Variants in LHFPL6 observed in about 807,000 individuals in gnomAD.
LHFPL6 encodes the protein LHFPL tetraspan subfamily member 6, also known as LHFPL tetraspan subfamily member 6 protein.
In LHFPL6, 9 loss-of-function variants were observed where a neutral mutation model predicts 20.6. The ratio of observed to expected loss-of-function variants is 0.44; its 90% CI spans 0.26 to 0.76. The LOEUF (loss-of-function observed/expected upper bound fraction) is 0.76. LHFPL6 is among the 30% of genes least tolerant of loss of function. The probability of loss-of-function intolerance (pLI) is 0.20; values close to 1 mark genes in which losing one functional copy is unlikely to be tolerated. For synonymous variants in LHFPL6, 105 were observed against 98.7 expected, an observed-to-expected ratio of 1.06 and a Z score of -0.38; for missense variants, 218 against 253.5, an observed-to-expected ratio of 0.86 and a Z score of 0.95.
chr13:39,552,204 C>A (rs1404854778), intron 2 of LHFPL6, among the ~76,000 whole-genome samples: 2 of 152,020 alleles, frequency 1.3e-5, no homozygotes, highest in Non-Finnish European at 2.9e-5. Context: ...ATAATCTAAC[C>A]CCAGTATCAA....
At chr13:39,378,224 A>G (rs1870344207) in intron 3 of LHFPL6, among the ~76,000 whole-genome samples, 1 of 152,218 alleles carries the variant, frequency 6.6e-6, no homozygotes, top group South Asian at 2.1e-4. Flanking sequence ...TGTATCTACA[A>G]TACTCATCAT....
At chr13:39,381,886 A>C (rs952869954) in intron 2 of LHFPL6, among the ~76,000 whole-genome samples, 1 of 151,792 alleles carries the variant, frequency 6.6e-6, no homozygotes, top group African/African-American at 2.4e-5. Context: ...GTACAGAAAC[A>C]GATGGATTGG....
chr13:39,601,331 A>G lies in LHFPL6; in HGVS notation c.-115T>C, dbSNP rs1872940416. 4 of 1,044,760 alleles carry G rather than the reference A, an allele frequency of 3.8e-6. No homozygotes were observed. The highest frequency in any genetic ancestry group is 5.4e-6 in the Non-Finnish European group (4 of 744,398). 64.7% of individuals were successfully genotyped at this position (1,044,760 alleles called of 1,614,324 possible). A position where few individuals can be genotyped will look rare whatever the true frequency, so the allele number is the denominator to read the frequency against. ...ATAATCCACAGTTCCGTAATGCAGA[A>G]TGGATCTTCAGTCTTACTGGGCATC... On this transcript the variant is annotated 5_prime_UTR_variant, in exon 2 of 4. Transcript: ENST00000379589.
At chr13:39,469,282 G>T (rs1872884847) in intron 2 of LHFPL6, among the ~76,000 whole-genome samples, 1 of 152,158 alleles carries the variant, frequency 6.6e-6, no homozygotes, top group Non-Finnish European at 1.5e-5. Flanking sequence ...CTGAGATTGG[G>T]ATTCTTGTGG....
At chr13:39,470,426 G>A (rs1228057005) in intron 2 of LHFPL6, among the ~76,000 whole-genome samples, 6 of 150,912 alleles carry the variant, frequency 4.0e-5, no homozygotes, top group South Asian at 2.1e-4. Context: ...GTTTTTATAC[G>A]GTAATTAAAC....
intron 2 of LHFPL6, among the ~76,000 whole-genome samples, chr13:39,489,991 G>A (rs773002504): frequency 1.3e-5 from 2 of 152,044 alleles, no homozygotes; most frequent in Non-Finnish European, 2.9e-5. Context: ...GGTAACAGAT[G>A]AAATTAAAAG....
At chr13:39,552,439 A>T (rs1250437724) in intron 2 of LHFPL6, among the ~76,000 whole-genome samples, 1 of 152,092 alleles carries the variant, frequency 6.6e-6, no homozygotes, top group Non-Finnish European at 1.5e-5. Flanking sequence ...TGTCATGAAC[A>T]GCAGGAGTGA....
intron 2 of LHFPL6, among the ~76,000 whole-genome samples, chr13:39,522,952 T>C (rs963229118): frequency 1.3e-5 from 2 of 152,162 alleles, no homozygotes; most frequent in South Asian, 2.1e-4. Flanking sequence ...GAAACTAACA[T>C]GGTTGGAATA....
intron 2 of LHFPL6, among the ~76,000 whole-genome samples, chr13:39,485,853 C>G (rs547461345): frequency 6.6e-6 from 1 of 152,198 alleles, no homozygotes; most frequent in South Asian, 2.1e-4. Flanking sequence ...TGACTTGTGC[C>G]ATTATTATTG....
intron 2 of LHFPL6, among the ~76,000 whole-genome samples, chr13:39,490,239 A>C (rs1868875893): frequency 6.6e-6 from 1 of 152,208 alleles, no homozygotes; most frequent in African/African-American, 2.4e-5. Context: ...GAATTCCAAA[A>C]CATGCAGGAA....
At chr13:39,587,915 C>T (rs879880655) in intron 2 of LHFPL6, among the ~76,000 whole-genome samples, 3 of 152,038 alleles carry the variant, frequency 2.0e-5, no homozygotes, top group South Asian at 4.2e-4. Flanking sequence ...ACCATGCCCA[C>T]GAAACTGCAC....
intron 2 of LHFPL6, among the ~76,000 whole-genome samples, chr13:39,576,319 C>T (rs1319672698): frequency 6.6e-6 from 1 of 152,112 alleles, no homozygotes; most frequent in Non-Finnish European, 1.5e-5. Context: ...GAGTTTACTG[C>T]TTTAAATTTT....
At chr13:39,414,824 A>T (rs931273799) in intron 2 of LHFPL6, among the ~76,000 whole-genome samples, 3 of 152,216 alleles carry the variant, frequency 2.0e-5, no homozygotes, top group Non-Finnish European at 4.4e-5. Context: ...TTAGACCCCT[A>T]AGAGTATTAT....
chr13:39,411,379 T>C (rs1298340915), intron 2 of LHFPL6, among the ~76,000 whole-genome samples: 4 of 152,218 alleles, frequency 2.6e-5, no homozygotes, highest in South Asian at 4.1e-4. Flanking sequence ...TTCCCTTTTA[T>C]GTGTAACACT....
chr13:39,373,333 G>A (rs183319730), intron 3 of LHFPL6, among the ~76,000 whole-genome samples: 129 of 152,294 alleles, frequency 8.5e-4, no homozygotes, highest in African/African-American at 3.0e-3. Context: ...GTCAGAGGGG[G>A]CTGTCAGAGG....
intron 2 of LHFPL6, among the ~76,000 whole-genome samples, chr13:39,428,837 G>A (rs1871712405): frequency 6.6e-6 from 1 of 152,200 alleles, no homozygotes; most frequent in Admixed American, 6.5e-5. Flanking sequence ...TATTGCTCTA[G>A]CAGCATCTCA....
chr13:39,358,779 C>T (rs904986977), intron 3 of LHFPL6, among the ~76,000 whole-genome samples: 5 of 152,152 alleles, frequency 3.3e-5, no homozygotes, highest in Admixed American at 2.0e-4. Context: ...GGCCAACAAA[C>T]ATGTGAAAGA....
intron 3 of LHFPL6, among the ~76,000 whole-genome samples, chr13:39,370,089 C>A (rs1295037932): frequency 1.3e-5 from 2 of 152,184 alleles, no homozygotes; most frequent in African/African-American, 4.8e-5. Context: ...GAAAACTCTT[C>A]ATCTGATGGA....
At chr13:39,418,755 G>C (rs1035956239) in intron 2 of LHFPL6, among the ~76,000 whole-genome samples, 1 of 152,050 alleles carries the variant, frequency 6.6e-6, no homozygotes, top group Non-Finnish European at 1.5e-5. Context: ...TCTTATCTTT[G>C]ACAAAATTAA....
Sources: gnomAD v4.1 joint callset for allele counts (sites outside exome capture counted in the v4.1 genomes callset) on GRCh38, gnomAD v4.1.1 for gene constraint, MANE v1.5 for transcripts, NCBI Gene and HGNC (gene_info 2026-07-23, HGNC 2026-07-21) for gene names.